Variants in TAMM41 observed in about 807,000 individuals in gnomAD.
TAMM41 encodes phosphatidate cytidylyltransferase, mitochondrial.
Under a neutral mutation model 44.1 loss-of-function variants are expected in TAMM41, and 36 were observed. The observed-to-expected ratio is 0.82, with a 90% CI of 0.63 to 1.08. The LOEUF (loss-of-function observed/expected upper bound fraction) is 1.08. TAMM41 is among the 50% of genes least tolerant of loss of function. TAMM41 has a pLI of 0.00. For missense variants in TAMM41, 417 were observed against 404.3 expected (o/e 1.03, Z -0.27); for synonymous variants, 164 against 153.1 (o/e 1.07, Z -0.53).
At chr3:11,826,305 G>A (rs539395496) in intron 4 of TAMM41, among the ~76,000 whole-genome samples, 14 of 152,230 alleles carry the variant, frequency 9.2e-5, no homozygotes, top group Middle Eastern at 3.4e-3. Flanking sequence ...AGGCCGAGGC[G>A]GGAGGATCGT....
intron 6 of TAMM41, 98 bp downstream of exon 6, chr3:11,809,419 C>T (rs1197869949): frequency 2.1e-6 from 3 of 1,431,384 alleles, no homozygotes; most frequent in East Asian, 2.3e-5. Context: ...CTCTCTATCT[C>T]GCTAAACAAA....
At chr3:11,736,239 CA>C in the TAMM41 span, among the ~76,000 whole-genome samples, 1 of 152,244 alleles carries the variant, frequency 6.6e-6, no homozygotes, top group East Asian at 1.9e-4. Context: ...GTTTTCTTCA[CA>C]GTTAATTGCA....
chr3:11,805,293 C>T (rs1229226318), intron 7 of TAMM41, among the ~76,000 whole-genome samples: 2 of 152,072 alleles, frequency 1.3e-5, no homozygotes, highest in Non-Finnish European at 2.9e-5. Context: ...TGAGTCACCA[C>T]ATCCAGCCTA....
chr3:11,783,010 T>G, the TAMM41 span, among the ~76,000 whole-genome samples: 2 of 152,204 alleles, frequency 1.3e-5, no homozygotes, highest in Non-Finnish European at 2.9e-5. Flanking sequence ...ATGATTCAGC[T>G]GGAGCTGCAG....
the TAMM41 span, among the ~76,000 whole-genome samples, chr3:11,747,740 T>C: frequency 0.012 from 1,752 of 152,046 alleles, 37 homozygotes; most frequent in African/African-American, 0.039. Flanking sequence ...TACTCCAGCC[T>C]AGGTGACAGA....
the TAMM41 span, among the ~76,000 whole-genome samples, chr3:11,754,689 T>C: frequency 1.3e-5 from 2 of 148,986 alleles, no homozygotes; most frequent in Non-Finnish European, 3.0e-5. Flanking sequence ...TTTTAACCTC[T>C]GAAACATTTC....
intron 7 of TAMM41, among the ~76,000 whole-genome samples, chr3:11,802,053 G>C (rs767217547): frequency 6.6e-6 from 1 of 152,062 alleles, no homozygotes; most frequent in South Asian, 2.1e-4. Flanking sequence ...ATCTCACCTT[G>C]ACAAAAAATA....
At chr3:11,822,775 T>C (rs1268284997) in intron 4 of TAMM41, among the ~76,000 whole-genome samples, 1 of 152,262 alleles carries the variant, frequency 6.6e-6, no homozygotes, top group Non-Finnish European at 1.5e-5. Flanking sequence ...ATTTTATTTA[T>C]CCATTTCTCA....
intron 5 of TAMM41, among the ~76,000 whole-genome samples, chr3:11,813,063 A>G (rs915290788): frequency 1.3e-5 from 2 of 152,082 alleles, no homozygotes; most frequent in African/African-American, 4.8e-5. Context: ...CATAGGGAGG[A>G]TTCTGGATAC....
intron 7 of TAMM41, among the ~76,000 whole-genome samples, chr3:11,800,556 A>G (rs2077723316): frequency 2.0e-5 from 3 of 152,094 alleles, no homozygotes; most frequent in Admixed American, 2.0e-4. Context: ...TTAAAAAAAA[A>G]AAAAAAGACT....
the TAMM41 span, among the ~76,000 whole-genome samples, chr3:11,723,704 T>A: frequency 6.6e-6 from 1 of 152,176 alleles, no homozygotes; most frequent in African/African-American, 2.4e-5. Flanking sequence ...TTTTGTATTA[T>A]GTATATTTTA....
intron 1 of TAMM41, among the ~76,000 whole-genome samples, chr3:11,845,793 G>A (rs1228261043): frequency 2.0e-5 from 3 of 152,142 alleles, no homozygotes; most frequent in Admixed American, 6.5e-5. Context: ...ACTGAATTCT[G>A]CAAATTACAA....
the TAMM41 span, among the ~76,000 whole-genome samples, chr3:11,727,966 T>C: frequency 6.6e-6 from 1 of 151,882 alleles, no homozygotes; most frequent in East Asian, 1.9e-4. Context: ...TTTCTGTTTT[T>C]AGTAGAGACA....
chr3:11,825,988 T>C (rs995055765), intron 4 of TAMM41, among the ~76,000 whole-genome samples: 2 of 152,148 alleles, frequency 1.3e-5, no homozygotes, highest in Admixed American at 6.5e-5. Context: ...AATTCCACTT[T>C]GGAGAACACA....
chr3:11,752,468 G>C, the TAMM41 span, among the ~76,000 whole-genome samples: 1 of 151,848 alleles, frequency 6.6e-6, no homozygotes, highest in Non-Finnish European at 1.5e-5. Flanking sequence ...CAAACCTCTA[G>C]CTAGCCACTG....
At chr3:11,723,580 CAA>C in the TAMM41 span, among the ~76,000 whole-genome samples, 22 of 97,222 alleles carry the variant, frequency 2.3e-4, no homozygotes, top group Admixed American at 4.6e-4. Context: ...GACCCTGTCT[CAA>C]AAAAAAAAAA....
chr3:11,779,085 G>A, the TAMM41 span, among the ~76,000 whole-genome samples: 1 of 152,100 alleles, frequency 6.6e-6, no homozygotes, highest in Non-Finnish European at 1.5e-5. Flanking sequence ...TCAGTGGTGA[G>A]TTCTCACTCT....
At chr3:11,749,205 G>A in the TAMM41 span, among the ~76,000 whole-genome samples, 9 of 152,238 alleles carry the variant, frequency 5.9e-5, no homozygotes, top group East Asian at 3.9e-4. Context: ...GAGCCACTGC[G>A]CCCTGCTAGA....
chr3:11,838,397 T>G (rs1438240539), intron 3 of TAMM41, among the ~76,000 whole-genome samples: 1 of 152,194 alleles, frequency 6.6e-6, no homozygotes, highest in Non-Finnish European at 1.5e-5. Context: ...TTTGTATTTT[T>G]AGTAGAGACG....
Sources: gnomAD v4.1 joint callset for allele counts (sites outside exome capture counted in the v4.1 genomes callset) on GRCh38, gnomAD v4.1.1 for gene constraint, MANE v1.5 for transcripts, NCBI Gene and HGNC (gene_info 2026-07-23, HGNC 2026-07-21) for gene names.